The following FGGY variants were observed in gnomAD, a reference collection of about 807,000 sequenced individuals.
FGGY encodes the protein FGGY carbohydrate kinase domain containing.
In FGGY, 72 loss-of-function variants were observed where a neutral mutation model predicts 71.3. The observed-to-expected ratio is 1.01, with a 90% CI of 0.84 to 1.23. The LOEUF (loss-of-function observed/expected upper bound fraction) is 1.23, where lower values mean the gene tolerates loss of function less well. Ranked by LOEUF, FGGY falls within the 50% of genes most tolerant of loss-of-function variation. FGGY has a pLI of 0.00. For missense variants in FGGY, 668 were observed against 682.3 expected (o/e 0.98, Z 0.23); for synonymous variants, 251 against 250.3 (o/e 1.00, Z -0.02).
At chr1:59,309,228 C>A (rs1467785520) in intron 1 of FGGY, among the ~76,000 whole-genome samples, 1 of 152,032 alleles carries the variant, frequency 6.6e-6, no homozygotes, top group African/African-American at 2.4e-5. Context: ...TTTTCCAGTT[C>A]CTGTTTGTTA....
chr1:59,482,307 C>T (rs2093500770), intron 6 of FGGY, among the ~76,000 whole-genome samples: 1 of 152,112 alleles, frequency 6.6e-6, no homozygotes, highest in Non-Finnish European at 1.5e-5. Context: ...TTTAGAACCT[C>T]CTGTGGGCTC....
chr1:59,325,393 T>G (rs972244013), intron 2 of FGGY, among the ~76,000 whole-genome samples: 3 of 148,164 alleles, frequency 2.0e-5, no homozygotes, highest in Non-Finnish European at 4.4e-5. Flanking sequence ...ACAAAAACAG[T>G]AAGCTTAAAC....
rs1326868244 is a variant in FGGY, at chr1:59,752,201, G to A, written c.1513-5730G>A. Reference sequence around the variant, plus strand: ...GTATTTTCTTCTGGAATCTTAATGAGAATTCCCTGGAGTTTATGGATGCCA... The same window carrying A: ...GTATTTTCTTCTGGAATCTTAATGAAAATTCCCTGGAGTTTATGGATGCCA... On this transcript the variant is annotated intron_variant, in intron 14 of 15. Transcript: ENST00000303721. Among the ~76,000 whole-genome samples, 3 of 152,188 alleles carry A rather than the reference G, an allele frequency of 2.0e-5. No homozygotes were observed. The East Asian group carries it at 5.8e-4, about 29-fold the overall frequency.
rs186837872 is a variant in FGGY, at chr1:59,609,890, G to T, written c.1011+1980G>T. On this transcript the variant is annotated intron_variant, in intron 9 of 15. Coordinates refer to ENST00000303721, the MANE Select transcript of FGGY (RefSeq NM_018291.5). ...ATGAATTGGACCTCATCAGTCCCTG[G>T]TTTTAAGGAGCTCATACTTGGATGG... Among the ~76,000 whole-genome samples, 1,398 of 152,282 alleles carry T rather than the reference G, an allele frequency of 9.2e-3. 16 individuals carry two copies. The highest frequency in any genetic ancestry group is 0.013 in the Non-Finnish European group (885 of 68,022).
chr1:59,598,156 A>G (rs2153805143), intron 8 of FGGY, among the ~76,000 whole-genome samples: 1 of 152,356 alleles, frequency 6.6e-6, no homozygotes, highest in Non-Finnish European at 1.5e-5. Flanking sequence ...ATATAATTTT[A>G]TATCTTTGAA....
chr1:59,398,883 T>C (rs2061619636), intron 5 of FGGY, among the ~76,000 whole-genome samples: 1 of 152,232 alleles, frequency 6.6e-6, no homozygotes, highest in Non-Finnish European at 1.5e-5. Flanking sequence ...CAAAACAGTG[T>C]CCTTTTCTGT....
At chr1:59,687,592 G>A (rs1444618913) in intron 14 of FGGY, among the ~76,000 whole-genome samples, 5 of 150,734 alleles carry the variant, frequency 3.3e-5, no homozygotes, top group East Asian at 2.0e-4. Context: ...TCAGCCTCCC[G>A]AGTAGCTGGG....
At chr1:59,409,986 T>C (rs555546296) in intron 5 of FGGY, among the ~76,000 whole-genome samples, 2 of 152,262 alleles carry the variant, frequency 1.3e-5, no homozygotes, top group Non-Finnish European at 2.9e-5. Context: ...CAGGACACAG[T>C]AGGTGACACC....
At chr1:59,416,551 G>C (rs1303787539) in intron 5 of FGGY, among the ~76,000 whole-genome samples, 1 of 152,144 alleles carries the variant, frequency 6.6e-6, no homozygotes, top group African/African-American at 2.4e-5. Flanking sequence ...AAATAGTCTT[G>C]ATTTCCCACT....
chr1:59,648,761 C>T (rs2097126027), intron 11 of FGGY, among the ~76,000 whole-genome samples: 1 of 151,788 alleles, frequency 6.6e-6, no homozygotes. Flanking sequence ...TAATTAGATC[C>T]CATTTGTCAA....
intron 9 of FGGY, among the ~76,000 whole-genome samples, chr1:59,625,346 T>C (rs546770155): frequency 6.6e-6 from 1 of 152,238 alleles, no homozygotes; most frequent in African/African-American, 2.4e-5. Context: ...GGATTTCAAA[T>C]GAGAGGTGAT....
chr1:59,652,594 T>G (rs1325902579), intron 11 of FGGY, among the ~76,000 whole-genome samples: 1 of 142,112 alleles, frequency 7.0e-6, no homozygotes, highest in Non-Finnish European at 1.5e-5. Context: ...GCCTTGGTTT[T>G]CAGCTCCATC....
At chr1:59,745,584 G>C (rs988341381) in intron 14 of FGGY, among the ~76,000 whole-genome samples, 1 of 152,176 alleles carries the variant, frequency 6.6e-6, no homozygotes, top group Non-Finnish European at 1.5e-5. Context: ...ACTTTCTTGA[G>C]TTGCAGTCTC....
chr1:59,389,946 C>T (rs533991472), intron 5 of FGGY, among the ~76,000 whole-genome samples: 1 of 152,158 alleles, frequency 6.6e-6, no homozygotes, highest in African/African-American at 2.4e-5. Flanking sequence ...TTAAAGGTGT[C>T]TGAGAGTAAG....
rs949474920 is a variant in FGGY at position 59,675,771 on chromosome 1, C to T, written c.1512+1638C>T. The stretch of plus-strand genomic sequence containing the variant: ...ATAGTTAAAACAGGGGGGATGCTTA[C>T]TAAGGTTCTGCAGAGGTTACCCTGT... On this transcript the variant is annotated intron_variant, in intron 14 of 15. Transcript: ENST00000303721. Among the ~76,000 whole-genome samples, 12 of 152,148 alleles carry T rather than the reference C, an allele frequency of 7.9e-5. 1 individual carries two copies. Among genetic ancestry groups the T allele is most frequent in the Admixed American group, 2.6e-4 (4 of 15,282 alleles).
intron 13 of FGGY, among the ~76,000 whole-genome samples, chr1:59,671,685 A>T (rs1377494374): frequency 2.6e-5 from 4 of 152,226 alleles, no homozygotes; most frequent in Non-Finnish European, 4.4e-5. Flanking sequence ...TCTCTAAGCC[A>T]AGCACCATTT....
chr1:59,661,181 T>A (rs1482550508), intron 12 of FGGY, among the ~76,000 whole-genome samples: 1 of 152,238 alleles, frequency 6.6e-6, no homozygotes, highest in Non-Finnish European at 1.5e-5. Flanking sequence ...TGATATTCAA[T>A]TATTCTGTTT....
chr1:59,636,400 T>A (rs2096959514), intron 10 of FGGY, among the ~76,000 whole-genome samples: 1 of 152,138 alleles, frequency 6.6e-6, no homozygotes, highest in Non-Finnish European at 1.5e-5. Context: ...GGTGGGCAGA[T>A]CACGAGGTCA....
chr1:59,718,631 TATG>T (rs1209935102), intron 14 of FGGY, among the ~76,000 whole-genome samples: 1 of 152,204 alleles, frequency 6.6e-6, no homozygotes, highest in African/African-American at 2.4e-5. Context: ...GGGATGGTGA[TATG>T]ATGATGGTTC....
Sources: gnomAD v4.1 joint callset for allele counts (sites outside exome capture counted in the v4.1 genomes callset) on GRCh38, gnomAD v4.1.1 for gene constraint, MANE v1.5 for transcripts, NCBI Gene and HGNC (gene_info 2026-07-23, HGNC 2026-07-21) for gene names.